AGBL4: variants seen among roughly 807,000 people sequenced by gnomAD.
AGBL4 encodes the protein cytosolic carboxypeptidase 6.
In AGBL4, 58 loss-of-function variants were observed where a neutral mutation model predicts 66.4. The observed-to-expected ratio is 0.87, with a 90% CI of 0.71 to 1.09. The LOEUF is 1.09. AGBL4 is among the 50% of genes least tolerant of loss of function. The probability of loss-of-function intolerance (pLI) is 0.00; values close to 1 mark genes in which losing one functional copy is unlikely to be tolerated. For missense variants in AGBL4, 579 were observed against 631.0 expected (o/e 0.92, Z 0.88); for synonymous variants, 234 against 222.9 (o/e 1.05, Z -0.44).
intron 2 of AGBL4, among the ~76,000 whole-genome samples, chr1:49,831,081 G>A (rs1194035891): frequency 6.6e-6 from 1 of 152,022 alleles, no homozygotes; most frequent in East Asian, 1.9e-4. Context: ...GGATTGTCTT[G>A]GCTATGCAGA....
At chr1:48,989,091 C>T (rs1218310726) in intron 5 of AGBL4, among the ~76,000 whole-genome samples, 2 of 152,082 alleles carry the variant, frequency 1.3e-5, no homozygotes, top group African/African-American at 2.4e-5. Context: ...TCGTCAGGGC[C>T]CTGGCTTTAT....
At chr1:48,629,091 T>C (rs1239784426) in intron 9 of AGBL4, among the ~76,000 whole-genome samples, 1 of 152,180 alleles carries the variant, frequency 6.6e-6, no homozygotes, top group Non-Finnish European at 1.5e-5. Context: ...AACACTACTT[T>C]GTTATTTAGC....
intron 1 of AGBL4, among the ~76,000 whole-genome samples, chr1:49,864,465 G>A (rs910431155): frequency 1.3e-5 from 2 of 152,134 alleles, no homozygotes; most frequent in African/African-American, 4.8e-5. Flanking sequence ...ATCCTGCATC[G>A]GCAACTGAGG....
chr1:49,762,451 C>T (rs1206662672), intron 2 of AGBL4, among the ~76,000 whole-genome samples: 3 of 144,834 alleles, frequency 2.1e-5, no homozygotes, highest in South Asian at 4.3e-4. Flanking sequence ...CTTGCTCTGT[C>T]GCCCAGGCTG....
chr1:49,262,212 AG>A (rs1320133202), intron 3 of AGBL4, among the ~76,000 whole-genome samples: 19 of 152,354 alleles, frequency 1.2e-4, no homozygotes, highest in African/African-American at 3.8e-4. Flanking sequence ...AAACCCTAGA[AG>A]AAAACCTAGG....
At chr1:49,364,296 C>G (rs1019417918) in intron 3 of AGBL4, among the ~76,000 whole-genome samples, 1 of 152,134 alleles carries the variant, frequency 6.6e-6, no homozygotes, top group Non-Finnish European at 1.5e-5. Flanking sequence ...GGCAGACCTG[C>G]ACTCCAATTC....
intron 3 of AGBL4, among the ~76,000 whole-genome samples, chr1:49,449,596 T>C (rs993968959): frequency 7.9e-5 from 12 of 151,866 alleles, no homozygotes; most frequent in Non-Finnish European, 2.9e-5. Flanking sequence ...AGACTAAAAT[T>C]GGTATGGGAT....
intron 11 of AGBL4, among the ~76,000 whole-genome samples, chr1:48,567,357 G>A (rs1328832859): frequency 1.3e-5 from 2 of 152,194 alleles, no homozygotes; most frequent in Admixed American, 6.5e-5. Flanking sequence ...CCACACCACA[G>A]CCCTGACTTT....
chr1:49,948,345 AAT>A (rs1297739449), intron 1 of AGBL4, among the ~76,000 whole-genome samples: 4 of 114,382 alleles, frequency 3.5e-5, no homozygotes, highest in Admixed American at 1.1e-4. Context: ...TAAATATATA[AAT>A]ATATATAAAT....
At chr1:49,489,440 T>G (rs1391132011) in intron 3 of AGBL4, among the ~76,000 whole-genome samples, 1 of 151,996 alleles carries the variant, frequency 6.6e-6, no homozygotes, top group Non-Finnish European at 1.5e-5. Context: ...ATTAATCCCC[T>G]GTCAGATGAA....
Position 49,162,721 on chromosome 1 carries a change from G to A in AGBL4, c.377+83049C>T, listed in dbSNP as rs182634919. Among the ~76,000 whole-genome samples the A allele has an allele frequency of 1.6e-4, 25 of 152,104 alleles. No individual in the cohort carries two copies. In the East Asian group the frequency reaches 2.7e-3, roughly 16 times the overall value. On this transcript the variant is annotated intron_variant, in intron 4 of 13. Coordinates refer to ENST00000371839, the MANE Select transcript of AGBL4 (RefSeq NM_032785.4). Reference sequence around the variant, plus strand: ...TTATAGCTCTGTCATTTACTACCTCGGAGACCTAAGACAGGTCCCTTAACC... The same window carrying A: ...TTATAGCTCTGTCATTTACTACCTCAGAGACCTAAGACAGGTCCCTTAACC...
chr1:48,911,779 C>T (rs1464865881), intron 5 of AGBL4, among the ~76,000 whole-genome samples: 2 of 152,144 alleles, frequency 1.3e-5, no homozygotes, highest in African/African-American at 4.8e-5. Flanking sequence ...ATATTATTAG[C>T]AATGGCTGGC....
the AGBL4 span, among the ~76,000 whole-genome samples, chr1:48,526,525 CAGG>C: frequency 3.9e-5 from 6 of 152,102 alleles, no homozygotes; most frequent in East Asian, 1.9e-4. Context: ...GCTGCAGCGG[CAGG>C]AGGAGGAGGA....
intron 3 of AGBL4, among the ~76,000 whole-genome samples, chr1:49,304,685 G>A (rs141388956): frequency 1.2e-3 from 189 of 152,270 alleles, no homozygotes; most frequent in African/African-American, 4.4e-3. Flanking sequence ...TAAAAAGTGT[G>A]TGTAATGGCA....
chr1:50,008,922 A>T (rs142980823), intron 1 of AGBL4, among the ~76,000 whole-genome samples: 44 of 152,288 alleles, frequency 2.9e-4, no homozygotes, highest in African/African-American at 1.0e-3. Context: ...AAATTCCTAG[A>T]CACATACAAC....
chr1:49,562,331 T>A (rs1260156821), intron 3 of AGBL4, among the ~76,000 whole-genome samples: 2 of 152,184 alleles, frequency 1.3e-5, no homozygotes, highest in Non-Finnish European at 2.9e-5. Flanking sequence ...CATTTGTCAA[T>A]TTTGGCTTTT....
intron 3 of AGBL4, among the ~76,000 whole-genome samples, chr1:49,455,171 G>C (rs1005872489): frequency 1.9e-4 from 29 of 151,372 alleles, no homozygotes; most frequent in African/African-American, 7.0e-4. Flanking sequence ...ATGTATGTAT[G>C]AAAAGTATGT....
Position 49,261,715 on chromosome 1 carries a change from G to A in AGBL4, c.283-15851C>T, listed in dbSNP as rs537603357. The stretch of plus-strand genomic sequence containing the variant: ...CTCATGGGTAGGAAGAATCAATATC[G>A]TGAAAATGGCCATACTGCCCAAGGT... On this transcript the variant is annotated intron_variant, in intron 3 of 13. Coordinates refer to ENST00000371839, the MANE Select transcript of AGBL4 (RefSeq NM_032785.4). Among the ~76,000 whole-genome samples the A allele has an allele frequency of 9.3e-3, 1,392 of 149,222 alleles. 31 individuals carry two copies. The East Asian group carries it at 0.11, about 11-fold the overall frequency.
chr1:48,890,004 G>A (rs1187960439), intron 5 of AGBL4, among the ~76,000 whole-genome samples: 1 of 151,886 alleles, frequency 6.6e-6, no homozygotes, highest in East Asian at 1.9e-4. Flanking sequence ...GTGTGTGTGT[G>A]TGTGTGTGTG....
Sources: allele counts gnomAD v4.1 joint callset (sites outside exome capture counted in the v4.1 genomes callset), GRCh38; gene constraint gnomAD v4.1.1; transcripts MANE v1.5; gene names NCBI Gene and HGNC (gene_info 2026-07-23, HGNC 2026-07-21).